GATAD2B: variants seen among roughly 807,000 people sequenced by gnomAD.
GATAD2B encodes GATA zinc finger domain containing 2B.
In GATAD2B, 8 loss-of-function variants were observed where a neutral mutation model predicts 64.3. The ratio of observed to expected loss-of-function variants is 0.12; its 90% CI spans 0.07 to 0.22. The LOEUF (loss-of-function observed/expected upper bound fraction) is 0.22. GATAD2B is among the 10% of genes least tolerant of loss of function. GATAD2B has a pLI of 1.00. For synonymous variants in GATAD2B, 281 were observed against 271.3 expected (o/e 1.04, Z -0.35); for missense variants, 453 against 752.0 (o/e 0.60, Z 4.65).
At chr1:153,810,371 A>T in intron 10 of GATAD2B, 61 bp from the exon 11 acceptor site, 1 of 1,544,792 alleles carries the variant, frequency 6.5e-7, no homozygotes, top group Non-Finnish European at 8.9e-7. Flanking sequence ...ATTCCCTTCC[A>T]CTCTACCCTC....
chr1:153,882,395 C>T (rs925135761), intron 1 of GATAD2B, among the ~76,000 whole-genome samples: 9 of 152,150 alleles, frequency 5.9e-5, no homozygotes, highest in Admixed American at 4.6e-4. Context: ...ACTAATAAGA[C>T]AGCAGGTGTA....
rs1676390010 is a variant in GATAD2B, at chr1:153,863,780, T to G, written c.-1-35432A>C. ...CTGGGACTACAGGCACGTGCCACAA[T>G]GCCTGGGTAATTTTTTTGTATTTTT... On this transcript the variant is annotated intron_variant, in intron 1 of 10. Coordinates refer to ENST00000368655, the MANE Select transcript of GATAD2B (RefSeq NM_020699.4). Among the ~76,000 whole-genome samples, 5 of 151,994 alleles carry G rather than the reference T, an allele frequency of 3.3e-5. No homozygotes were observed. In the South Asian group the frequency reaches 1.0e-3, roughly 32 times the overall value.
chr1:153,886,382 T>C (rs891502228), intron 1 of GATAD2B: 1 of 152,162 alleles, frequency 6.6e-6, no homozygotes, highest in African/African-American at 2.4e-5. Context: ...TTTAAACATA[T>C]CTAAACATAG....
chr1:153,898,171 C>T (rs1178099817), intron 1 of GATAD2B, among the ~76,000 whole-genome samples: 1 of 151,208 alleles, frequency 6.6e-6, no homozygotes, highest in Non-Finnish European at 1.5e-5. Flanking sequence ...CCAGGTATAA[C>T]AACACATGCC....
chr1:153,892,181 A>G (rs1022006006), intron 1 of GATAD2B, among the ~76,000 whole-genome samples: 26 of 151,400 alleles, frequency 1.7e-4, no homozygotes, highest in South Asian at 4.2e-4. Context: ...AAAAAAAAAA[A>G]AAAAGAAAAG....
intron 1 of GATAD2B, among the ~76,000 whole-genome samples, chr1:153,862,330 C>A (rs924662518): frequency 1.3e-5 from 2 of 151,764 alleles, no homozygotes; most frequent in Admixed American, 6.6e-5. Flanking sequence ...ACCATGTTGG[C>A]CAGACTGGTC....
intron 1 of GATAD2B, among the ~76,000 whole-genome samples, chr1:153,920,633 G>C (rs763044904): frequency 6.6e-6 from 1 of 152,192 alleles, no homozygotes. Flanking sequence ...GCAAACCACA[G>C]TGTCATAAAG....
intron 1 of GATAD2B, among the ~76,000 whole-genome samples, chr1:153,870,571 T>A (rs758463438): frequency 2.0e-5 from 3 of 152,020 alleles, no homozygotes; most frequent in Non-Finnish European, 4.4e-5. Flanking sequence ...AGACTCCGTC[T>A]CAAAAAAAAG....
At chr1:153,877,621 T>C (rs1164365721) in intron 1 of GATAD2B, among the ~76,000 whole-genome samples, 1 of 152,084 alleles carries the variant, frequency 6.6e-6, no homozygotes, top group Non-Finnish European at 1.5e-5. Flanking sequence ...CTCATGCCTG[T>C]AATCCCAGCA....
intron 1 of GATAD2B, among the ~76,000 whole-genome samples, chr1:153,886,851 G>A (rs562507763): frequency 1.5e-4 from 23 of 152,064 alleles, no homozygotes; most frequent in Admixed American, 2.0e-4. Flanking sequence ...GAGCCACTGC[G>A]TCTGGCCGAA....
rs1049118811 is a variant in GATAD2B, at chr1:153,850,159, T to G, written c.-1-21811A>C. Among the ~76,000 whole-genome samples, 3 of 152,296 alleles carry G rather than the reference T, an allele frequency of 2.0e-5. 1 individual carries two copies. The highest frequency in any genetic ancestry group is 2.0e-4 in the Admixed American group (3 of 15,300). On this transcript the variant is annotated intron_variant, in intron 1 of 10. Transcript: ENST00000368655. ...AAACTGTGGATCTGTTCCTCCAGAG[T>G]AGCTTTACATATGCTTCCGCTGGTT...
chr1:153,893,873 G>A (rs991319315), intron 1 of GATAD2B, among the ~76,000 whole-genome samples: 1 of 142,026 alleles, frequency 7.0e-6, no homozygotes, highest in African/African-American at 2.6e-5. Context: ...CGGGAGAATC[G>A]CTTGAACCTG....
intron 2 of GATAD2B, among the ~76,000 whole-genome samples, chr1:153,820,629 C>G (rs1392379629): frequency 6.6e-6 from 1 of 151,978 alleles, no homozygotes; most frequent in African/African-American, 2.4e-5. Flanking sequence ...GTTCTTTGGT[C>G]CTTTTTTTTT....
chr1:153,866,153 G>A (rs772405571), intron 1 of GATAD2B, among the ~76,000 whole-genome samples: 4 of 147,200 alleles, frequency 2.7e-5, no homozygotes, highest in Non-Finnish European at 5.9e-5. Context: ...GCAGTGAGCT[G>A]AGATGGTGCC....
At position 153,837,380 on chromosome 1, in the gene GATAD2B, A is replaced by C. The variant is rs547922836; in HGVS notation, c.-1-9032T>G. Among the ~76,000 whole-genome samples the C allele has an allele frequency of 7.4e-4, 112 of 150,778 alleles. 1 individual carries two copies. Among genetic ancestry groups the C allele is most frequent in the African/African-American group, 2.5e-3 (103 of 40,822 alleles). On this transcript the variant is annotated intron_variant, in intron 1 of 10. Coordinates refer to ENST00000368655, the MANE Select transcript of GATAD2B (RefSeq NM_020699.4). Reference sequence around the variant, plus strand: ...AAAACCCCAAAAACAAAACAAACAAAAAAAAAAACACAGTAGAATAGAGGT... The same window carrying C: ...AAAACCCCAAAAACAAAACAAACAACAAAAAAAACACAGTAGAATAGAGGT...
intron 1 of GATAD2B, among the ~76,000 whole-genome samples, chr1:153,883,171 T>C (rs1437738043): frequency 6.6e-6 from 1 of 152,182 alleles, no homozygotes; most frequent in Non-Finnish European, 1.5e-5. Flanking sequence ...AAGCCCTTGT[T>C]CTCAAATATT....
chr1:153,882,393 G>A (rs978309454), intron 1 of GATAD2B, among the ~76,000 whole-genome samples: 1 of 152,104 alleles, frequency 6.6e-6, no homozygotes, highest in South Asian at 2.1e-4. Flanking sequence ...GTACTAATAA[G>A]ACAGCAGGTG....
chr1:153,823,031 T>C (rs1674737713), intron 2 of GATAD2B, among the ~76,000 whole-genome samples: 1 of 151,980 alleles, frequency 6.6e-6, no homozygotes, highest in African/African-American at 2.4e-5. Flanking sequence ...GTGATTCTCC[T>C]GCCTTGGCCT....
intron 1 of GATAD2B, among the ~76,000 whole-genome samples, chr1:153,891,668 G>C (rs1677408174): frequency 5.0e-5 from 6 of 119,802 alleles, no homozygotes; most frequent in Non-Finnish European, 8.7e-5. Context: ...AGTATGGGGG[G>C]GGGGGAGGGG....
Sources: allele counts gnomAD v4.1 joint callset (sites outside exome capture counted in the v4.1 genomes callset), GRCh38; gene constraint gnomAD v4.1.1; transcripts MANE v1.5; gene names NCBI Gene and HGNC (gene_info 2026-07-23, HGNC 2026-07-21).